LTF: variants seen among roughly 807,000 people sequenced by gnomAD.
LTF encodes epididymis luminal protein 110.
In LTF, 91 loss-of-function variants were observed where a neutral mutation model predicts 87.2. That is an observed-to-expected ratio of 1.04 (90% confidence interval 0.88 to 1.24). The LOEUF (loss-of-function observed/expected upper bound fraction) is 1.24. Ranked by LOEUF, LTF falls within the 50% of genes most tolerant of loss-of-function variation. The pLI is 0.00. For synonymous variants in LTF, 378 were observed against 356.1 expected (o/e 1.06, Z -0.69); for missense variants, 901 against 904.3 (o/e 1.00, Z 0.05).
At chr3:46,479,336 C>T (rs554227459) in intron 1 of LTF, among the ~76,000 whole-genome samples, 3 of 152,256 alleles carry the variant, frequency 2.0e-5, no homozygotes, top group African/African-American at 7.2e-5. Flanking sequence ...GATTACAGGG[C>T]CCGGGAATTG....
Position 46,450,637 on chromosome 3 carries a change from TCA to T in LTF, c.738_739del (p.Tyr246Ter), listed in dbSNP as rs1228341234. 1 of 1,613,908 alleles carries T rather than the reference TCA, an allele frequency of 6.2e-7. No homozygotes were observed. Among genetic ancestry groups the T allele is most frequent in the Admixed American group, 1.7e-5 (1 of 60,010 alleles). Reference sequence around the variant, plus strand: ...CCGAGTGTTGTCTGGGCAGAGTAACTCATACTCGTCCCTTTCAGCCTCGTCTG... The same window carrying T: ...CCGAGTGTTGTCTGGGCAGAGTAACTTACTCGTCCCTTTCAGCCTCGTCTG... On this transcript the variant is annotated stop_gained and frameshift_variant, in exon 7 of 17. Coordinates refer to ENST00000231751, the MANE Select transcript of LTF (RefSeq NM_002343.6). LOFTEE classifies it high-confidence loss of function.
chr3:46,468,638 A>G (rs1703245721), upstream of LTF, among the ~76,000 whole-genome samples: 1 of 152,104 alleles, frequency 6.6e-6, no homozygotes, highest in South Asian at 2.1e-4. Context: ...CCCCAAGAAG[A>G]GTGTTGGGAA....
In LTF at chr3:46,436,127, T is replaced by C. The variant is rs1575300858; in HGVS notation, c.*68A>G. On this transcript the variant is annotated 3_prime_UTR_variant, in exon 17 of 17. Transcript: ENST00000231751. ...GGGGAGGCCAAGGCCCCAACACACC[T>C]GGGGAGAAGAGCTGGGGGCAGTGAA... 5 of 1,520,712 alleles carry C rather than the reference T, an allele frequency of 3.3e-6. No individual in the cohort carries two copies. Among genetic ancestry groups the C allele is most frequent in the East Asian group, 4.5e-5 (2 of 44,476 alleles). 94.2% of individuals were successfully genotyped at this position (1,520,712 alleles called of 1,614,324 possible).
upstream of LTF, chr3:46,464,911 T>C: frequency 6.2e-7 from 1 of 1,605,068 alleles, no homozygotes; most frequent in Non-Finnish European, 8.5e-7. Context: ...GCTCTGCCAC[T>C]TGCGCCTGCC....
intron 6 of LTF, among the ~76,000 whole-genome samples, chr3:46,453,863 G>A (rs559411380): frequency 2.0e-5 from 3 of 152,290 alleles, no homozygotes; most frequent in South Asian, 4.1e-4. Context: ...TGTATTCCAC[G>A]GAACACTCCT....
chr3:46,468,914 G>A (rs1703248740), upstream of LTF, among the ~76,000 whole-genome samples: 1 of 152,148 alleles, frequency 6.6e-6, no homozygotes. Context: ...TCTAAATCAG[G>A]GCTTCCTCCT....
chr3:46,473,721 C>T (rs1474155020), intron 1 of LTF, among the ~76,000 whole-genome samples: 5 of 152,170 alleles, frequency 3.3e-5, no homozygotes, highest in African/African-American at 4.8e-5. Flanking sequence ...ACCTTCTTGC[C>T]TCCCTCCTGT....
intron 6 of LTF, among the ~76,000 whole-genome samples, chr3:46,451,841 C>A (rs191340440): frequency 6.6e-6 from 1 of 152,278 alleles, no homozygotes; most frequent in East Asian, 1.9e-4. Flanking sequence ...GTGATCCACC[C>A]GCCTCAGTCT....
intron 5 of LTF, 70 bp from the exon 6 acceptor site, chr3:46,454,430 C>A (rs1702876344): frequency 7.9e-7 from 1 of 1,265,064 alleles, no homozygotes; most frequent in Admixed American, 1.7e-5. Flanking sequence ...GGAACAGTAG[C>A]CCTGGCACTC....
intron 1 of LTF, among the ~76,000 whole-genome samples, chr3:46,461,763 G>A (rs538008048): frequency 3.0e-4 from 34 of 113,812 alleles, no homozygotes; most frequent in African/African-American, 1.7e-3. Context: ...ACGCAAATAG[G>A]TGATTTTTTA....
At position 46,481,674 on chromosome 3, in the gene LTF, C is replaced by G. The variant is rs114796530; in HGVS notation, c.-320+3312G>C. Among the ~76,000 whole-genome samples the G allele has an allele frequency of 3.2e-3, 493 of 152,312 alleles. 2 individuals carry two copies. Among genetic ancestry groups the G allele is most frequent in the Middle Eastern group, 0.01 (3 of 294 alleles). ...GCTGAGGCAGAAGAATCACTTGAAC[C>G]TGAAAGGCAGAGGTTGCAGGGAGCC... On this transcript the variant is annotated intron_variant, in intron 1 of 19. Transcript: ENST00000443496.
Position 46,437,934 on chromosome 3 carries a change from A to G in LTF, c.2098+6T>C. The stretch of plus-strand genomic sequence containing the variant: ...TTCTCGGGGATGCTAGCTAGGGTCT[A>G]CTTACGGGAGGTTGAGCACTTTTTC... On this transcript the variant is annotated splice_donor_region_variant and intron_variant, in intron 16 of 16. Coordinates refer to ENST00000231751, the MANE Select transcript of LTF (RefSeq NM_002343.6). 6.2e-7 allele frequency: 1 copy of G among 1,613,424 alleles called. No homozygotes were observed.
chr3:46,443,664 G>A lies in LTF; in HGVS notation c.1514-82C>T. 3 of 1,444,954 alleles carry A rather than the reference G, an allele frequency of 2.1e-6. No homozygotes were observed. The Admixed American group carries it at 5.1e-5, about 25-fold the overall frequency. The allele number at this position is 1,444,954 out of a possible 1,614,324, so 89.5% of individuals were successfully genotyped here. A position where few individuals can be genotyped will look rare whatever the true frequency, so the allele number is the denominator to read the frequency against. ...CTTTACCTAACAGCCGATGCAGGGT[G>A]GTTTCAGTTCATTAGACTTCCCAGG... On this transcript the variant is annotated intron_variant, in intron 12 of 16. Transcript: ENST00000231751.
At chr3:46,475,182 T>C (rs1010405671) in intron 1 of LTF, among the ~76,000 whole-genome samples, 9 of 152,198 alleles carry the variant, frequency 5.9e-5, no homozygotes, top group African/African-American at 1.9e-4. Context: ...TGACAACTGA[T>C]ATGAAATTGA....
chr3:46,448,882 T>A lies in LTF; in HGVS notation c.1193A>T (p.Asp398Val). 6.2e-7 allele frequency: 1 copy of A among 1,613,362 alleles called. No individual in the cohort carries two copies. The highest frequency in any genetic ancestry group is 1.7e-4 in the Middle Eastern group (1 of 6,050). ...CCCTACCAGCACCAGGGCGATGCAG[T>A]CCTCTGTGGTGGAGGCCGAGGAGCA... The part of the protein sequence containing the change: ...VTCSSASTTE[D>V]CIALVLKGEA... Residue 398 changes from aspartate (D) to valine (V), a missense_variant, in exon 9 of 17, where the codon GAC becomes GTC. Transcript: ENST00000231751.
In LTF at chr3:46,475,722, A is replaced by G. The variant is rs544493179; in HGVS notation, c.-319-5256T>C. Reference sequence around the variant, plus strand: ...TTTTTAAGTTAAAAAAAACTCTCATATGGAGAAATATAAAACATAAATGTA... The same window carrying G: ...TTTTTAAGTTAAAAAAAACTCTCATGTGGAGAAATATAAAACATAAATGTA... On this transcript the variant is annotated intron_variant, in intron 1 of 19. Coordinates refer to the LTF transcript ENST00000443496. Among the ~76,000 whole-genome samples, 28 of 152,330 alleles carry G rather than the reference A, an allele frequency of 1.8e-4. No homozygotes were observed. The South Asian group carries it at 5.8e-3, about 32-fold the overall frequency.
chr3:46,474,219 T>G (rs772528674), intron 1 of LTF, among the ~76,000 whole-genome samples: 2 of 151,928 alleles, frequency 1.3e-5, no homozygotes, highest in African/African-American at 2.4e-5. Flanking sequence ...AGAAACTCAT[T>G]AGAAAAAATA....
At position 46,455,894 on chromosome 3, in the gene LTF, C is replaced by G; in HGVS notation, c.401G>C (p.Cys134Ser). The change falls in exon 4 of 17, where the codon TGC becomes TCC. Residue 134 changes from cysteine to serine, a missense_variant. By Grantham distance (112) the Cys-to-Ser change is moderately radical. Coordinates refer to ENST00000231751, the MANE Select transcript of LTF (RefSeq NM_002343.6). ...QLNELQGLKS[C>S]HTGLRRTAGW... is the part of the protein sequence containing the mutation. ...AGCGGTCCTGCGAAGGCCTGTGTGG[C>G]AGGACTTCAGACCTTGCAGTTCGTT... 1 of 1,613,772 alleles carries G rather than the reference C, an allele frequency of 6.2e-7. No homozygotes were observed. Among genetic ancestry groups the G allele is most frequent in the Non-Finnish European group, 8.5e-7 (1 of 1,179,880 alleles).
chr3:46,452,453 C>T (rs1702826711), intron 6 of LTF, among the ~76,000 whole-genome samples: 2 of 152,162 alleles, frequency 1.3e-5, no homozygotes, highest in African/African-American at 4.8e-5. Context: ...AATTTAAATT[C>T]AGTACAATTC....
Sources: allele counts gnomAD v4.1 joint callset (sites outside exome capture counted in the v4.1 genomes callset), GRCh38; gene constraint gnomAD v4.1.1; transcripts MANE v1.5; gene names NCBI Gene and HGNC (gene_info 2026-07-23, HGNC 2026-07-21).